Variants in TMED2 observed in about 807,000 individuals in gnomAD.
The protein encoded by TMED2 is transmembrane p24 trafficking protein 2, also known as transmembrane emp24 domain-containing protein 2.
TMED2 carries 3 observed loss-of-function variants against 17.5 expected under a neutral mutation model. That is an observed-to-expected ratio of 0.17 (90% CI 0.08 to 0.44). The LOEUF (loss-of-function observed/expected upper bound fraction) is 0.44, where lower values mean the gene tolerates loss of function less well. Ranked by LOEUF, TMED2 falls within the 20% of genes least tolerant of loss-of-function variation. The pLI, the probability that TMED2 is intolerant of heterozygous loss-of-function variation, is 0.99. For missense variants in TMED2, 149 were observed against 254.8 expected, an observed-to-expected ratio of 0.58 and a Z score of 2.83; for synonymous variants, 95 against 91.0, an observed-to-expected ratio of 1.04 and a Z score of -0.25.
chr12:123,585,515 A>G (rs1886326916), intron 1 of TMED2: 1 of 152,252 alleles, frequency 6.6e-6, no homozygotes, highest in Non-Finnish European at 1.5e-5. Flanking sequence ...TTGTAAACCA[A>G]AAGAATGATG....
rs1953447603 is a variant in TMED2 at position 123,598,460 on chromosome 12, T to C, written c.*1731T>C. ...TAGCTTCAAAGACAGATTAAATGAT[T>C]TGCCCAAGGCCACAGAAAAGAGTGA... On this transcript the variant is annotated 3_prime_UTR_variant, in exon 4 of 4. Coordinates refer to ENST00000262225, the MANE Select transcript of TMED2 (RefSeq NM_006815.4). 6.6e-6 allele frequency: 1 copy of C among 152,192 alleles called. No homozygotes were observed. Among genetic ancestry groups the C allele is most frequent in the African/African-American group, 2.4e-5 (1 of 41,442 alleles). 9.4% of individuals were successfully genotyped at this position (152,192 alleles called of 1,614,324 possible).
intron 3 of TMED2, among the ~76,000 whole-genome samples, chr12:123,593,159 C>T (rs117453898): frequency 0.026 from 4,028 of 152,242 alleles, 67 homozygotes; most frequent in Non-Finnish European, 0.04. Flanking sequence ...AACTCGTGGG[C>T]TTGAGTGATC....
chr12:123,593,392 A>G (rs1566166438), intron 3 of TMED2, among the ~76,000 whole-genome samples: 1 of 152,194 alleles, frequency 6.6e-6, no homozygotes, highest in Non-Finnish European at 1.5e-5. Flanking sequence ...AGCTGGGACT[A>G]CAGGCGCACG....
Position 123,590,414 on chromosome 12 carries a change from A to C in TMED2, c.446A>C (p.Glu149Ala). The C allele has an allele frequency of 6.2e-7, 1 of 1,610,530 alleles. No homozygotes were observed. The highest frequency in any genetic ancestry group is 8.5e-7 in the Non-Finnish European group (1 of 1,177,736). ...ATGACAGCTGTAAAGCACGAACAGG[A>C]ATACATGGAAGTCCGGGAGAGAATA... ...VAMTAVKHEQEYMEVRERIHR... is the reference protein window; with the variant it reads ...VAMTAVKHEQAYMEVRERIHR... The change falls in exon 3 of 4, where the codon GAA becomes GCA. Residue 149 changes from glutamate to alanine, a missense_variant. Coordinates refer to ENST00000262225, the MANE Select transcript of TMED2 (RefSeq NM_006815.4).
chr12:123,585,009 T>G, intron 1 of TMED2, 193 bp downstream of exon 1: 1 of 660,340 alleles, frequency 1.5e-6, no homozygotes, highest in South Asian at 2.0e-5. Flanking sequence ...TTCCCGCGAC[T>G]TGCCTGGGTT....
Position 123,597,981 on chromosome 12 carries a change from C to A in TMED2, c.*1252C>A, listed in dbSNP as rs1331546125. 1.3e-5 allele frequency: 2 copies of A among 152,264 alleles called. No homozygotes were observed. Among genetic ancestry groups the A allele is most frequent in the African/African-American group, 4.8e-5 (2 of 41,286 alleles). 9.4% of individuals were successfully genotyped at this position (152,264 alleles called of 1,614,324 possible). A position where few individuals can be genotyped will look rare whatever the true frequency, so the allele number is the denominator to read the frequency against. ...CCACCTTGGGTGAGAACACTTGCAA[C>A]AGTTTATTAATGAGGTGACTTTCAC... On this transcript the variant is annotated 3_prime_UTR_variant, in exon 4 of 4. Coordinates refer to ENST00000262225, the MANE Select transcript of TMED2 (RefSeq NM_006815.4).
At chr12:123,590,524 C>A (rs1953383817) in intron 3 of TMED2, 75 bp downstream of exon 3, 5 of 1,289,046 alleles carry the variant, frequency 3.9e-6, no homozygotes, top group Non-Finnish European at 5.3e-6. Flanking sequence ...CTCGTATTTT[C>A]CTCATTTGGA....
chr12:123,592,720 G>C (rs1216835768), intron 3 of TMED2, among the ~76,000 whole-genome samples: 2 of 152,204 alleles, frequency 1.3e-5, no homozygotes, highest in Non-Finnish European at 2.9e-5. Flanking sequence ...GTTGCTTCTA[G>C]ATCAGGCTGA....
At chr12:123,586,960 AT>A (rs11289530) in intron 2 of TMED2, 21 bp downstream of exon 2, 203,592 of 1,558,016 alleles carry the variant, frequency 0.13, 14,478 homozygotes, top group African/African-American at 0.23. Context: ...CATTCAGAAG[AT>A]TTACATCACA....
intron 3 of TMED2, 145 bp from the exon 4 acceptor site, chr12:123,596,460 C>T: frequency 2.9e-6 from 3 of 1,038,302 alleles, no homozygotes; most frequent in Non-Finnish European, 1.3e-6. Context: ...GGGATGTAAC[C>T]CCATCGTAAG....
chr12:123,589,827 G>A (rs1201188701), intron 2 of TMED2, among the ~76,000 whole-genome samples: 7 of 151,694 alleles, frequency 4.6e-5, no homozygotes, highest in South Asian at 4.1e-4. Flanking sequence ...GCGAGACCCC[G>A]TCTCTAAAAA....
chr12:123,585,332 T>C (rs1331697240), intron 1 of TMED2, among the ~76,000 whole-genome samples: 3 of 152,220 alleles, frequency 2.0e-5, no homozygotes, highest in Non-Finnish European at 2.9e-5. Context: ...TTATTTTTCA[T>C]AGAAGCAACC....
In TMED2 at chr12:123,592,974, G is replaced by A. The variant is rs151110579; in HGVS notation, c.481+2525G>A. Among the ~76,000 whole-genome samples the A allele has an allele frequency of 7.5e-3, 1,144 of 152,184 alleles. 7 individuals carry two copies. The highest frequency in any genetic ancestry group is 0.048 in the Middle Eastern group (14 of 294). ...TAATCTCAGCACTTTGGGAGGCTGAGGCAGGCGAATAACGAGGTCAGTAGT... is the reference window on the plus strand; with the variant it reads ...TAATCTCAGCACTTTGGGAGGCTGAAGCAGGCGAATAACGAGGTCAGTAGT... On this transcript the variant is annotated intron_variant, in intron 3 of 3. Coordinates refer to ENST00000262225, the MANE Select transcript of TMED2 (RefSeq NM_006815.4).
chr12:123,590,615 A>G, intron 3 of TMED2, 166 bp downstream of exon 3: 1 of 446,958 alleles, frequency 2.2e-6, no homozygotes, highest in Non-Finnish European at 4.1e-6. Flanking sequence ...ACATGTGTGG[A>G]GCTTTGTAGT....
intron 3 of TMED2, among the ~76,000 whole-genome samples, chr12:123,596,042 T>C (rs937664677): frequency 2.0e-5 from 3 of 152,170 alleles, no homozygotes; most frequent in Non-Finnish European, 2.9e-5. Flanking sequence ...TTGGAGTATG[T>C]TGAGTTGCTT....
In TMED2 at chr12:123,584,627, C is replaced by T. The variant is rs555454837; in HGVS notation, c.-10C>T. On this transcript the variant is annotated 5_prime_UTR_variant, in exon 1 of 4. Coordinates refer to ENST00000262225, the MANE Select transcript of TMED2 (RefSeq NM_006815.4). ...GCAGTCCGGGTCCTGGCTTCGGCCT[C>T]AGCCCCACCATGGTGACGCTTGCTG... is the stretch of plus-strand genomic sequence containing the variant. The T allele has an allele frequency of 1.2e-6, 2 of 1,607,858 alleles. No homozygotes were observed. Among genetic ancestry groups the T allele is most frequent in the South Asian group, 2.2e-5 (2 of 90,892 alleles).
rs1194700608 is a variant in TMED2 at position 123,597,216 on chromosome 12, GA to G, written c.*488del. 7 of 152,250 alleles carry G rather than the reference GA, an allele frequency of 4.6e-5. No individual in the cohort carries two copies. The highest frequency in any genetic ancestry group is 4.6e-4 in the Admixed American group (7 of 15,264). The allele number at this position is 152,250 out of a possible 1,614,324, so 9.4% of individuals were successfully genotyped here. A position where few individuals can be genotyped will look rare whatever the true frequency, so the allele number is the denominator to read the frequency against. On this transcript the variant is annotated 3_prime_UTR_variant, in exon 4 of 4. Coordinates refer to ENST00000262225, the MANE Select transcript of TMED2 (RefSeq NM_006815.4). The stretch of plus-strand genomic sequence containing the variant: ...ACGGTTTCTGCCCGTCCTAATGGCA[GA>G]GCTCTCTGACTTGGGTGTATGCTGC...
At chr12:123,587,017 GGAGTA>G in intron 2 of TMED2, 78 bp downstream of exon 2, 4 of 1,275,380 alleles carry the variant, frequency 3.1e-6, no homozygotes, top group Non-Finnish European at 4.1e-6. Flanking sequence ...CTGTCTGAGT[GGAGTA>G]CTTATTTTTT....
At chr12:123,595,591 T>G (rs1953425311) in intron 3 of TMED2, among the ~76,000 whole-genome samples, 1 of 152,210 alleles carries the variant, frequency 6.6e-6, no homozygotes, top group Non-Finnish European at 1.5e-5. Context: ...GTCAGTTTTC[T>G]GATTCAGCAA....
Sources: gnomAD v4.1 joint callset for allele counts (sites outside exome capture counted in the v4.1 genomes callset) on GRCh38, gnomAD v4.1.1 for gene constraint, MANE v1.5 for transcripts, NCBI Gene and HGNC (gene_info 2026-07-23, HGNC 2026-07-21) for gene names.